The following RHBDL2 variants were observed in gnomAD, a reference collection of about 807,000 sequenced individuals.
RHBDL2 encodes rhomboid-related protein 2.
Under a neutral mutation model 31.7 loss-of-function variants are expected in RHBDL2, and 26 were observed. The observed-to-expected ratio is 0.82, with a 90% CI of 0.60 to 1.14. The LOEUF is 1.14. Ranked by LOEUF, RHBDL2 falls within the 50% of genes most tolerant of loss-of-function variation. The pLI, the probability that RHBDL2 is intolerant of heterozygous loss-of-function variation, is 0.00. For synonymous variants in RHBDL2, 123 were observed against 127.2 expected, an observed-to-expected ratio of 0.97 and a Z score of 0.22; for missense variants, 336 against 364.4, an observed-to-expected ratio of 0.92 and a Z score of 0.63.
chr1:38,903,321 G>C (rs757443450), intron 4 of RHBDL2, among the ~76,000 whole-genome samples: 1 of 151,286 alleles, frequency 6.6e-6, no homozygotes, highest in Non-Finnish European at 1.5e-5. Flanking sequence ...TGTATTTTTA[G>C]TAGAGACGGG....
rs113007332 is a variant in RHBDL2 at position 38,901,054 on chromosome 1, G to GATAA, written c.509-4989_509-4986dup. ...CAGAGCAAGACTCCATCTCTAAATA[G>GATAA]ATAAATAAATAAATAAATAAATAAA... On this transcript the variant is annotated intron_variant, in intron 4 of 7. Transcript: ENST00000372990. Among the ~76,000 whole-genome samples the GATAA allele has an allele frequency of 2.2e-3, 334 of 148,894 alleles. 1 individual carries two copies. The highest frequency in any genetic ancestry group is 5.9e-3 in the East Asian group (30 of 5,058).
chr1:38,902,465 G>C (rs1369595425), intron 4 of RHBDL2, among the ~76,000 whole-genome samples: 3 of 148,414 alleles, frequency 2.0e-5, no homozygotes, highest in Non-Finnish European at 4.4e-5. Context: ...TGTCACCCAG[G>C]CTGGAGTACA....
At chr1:38,920,758 C>G (rs139731027) in intron 1 of RHBDL2, among the ~76,000 whole-genome samples, 2 of 150,842 alleles carry the variant, frequency 1.3e-5, no homozygotes, top group African/African-American at 4.9e-5. Flanking sequence ...AGGTGCCCAC[C>G]ACCACACCTG....
chr1:38,890,428 T>G (rs1642840068), intron 6 of RHBDL2, among the ~76,000 whole-genome samples: 1 of 152,242 alleles, frequency 6.6e-6, no homozygotes, highest in African/African-American at 2.4e-5. Flanking sequence ...ACAGTTACTT[T>G]GGCTTAGTCT....
rs1048262719 is a variant in RHBDL2 at position 38,929,587 on chromosome 1, C to G, written c.-125-10250G>C. On this transcript the variant is annotated intron_variant, in intron 1 of 7. Transcript: ENST00000372990. ...CACCCATTCATTGGTACCAGGCAGG[C>G]CCCTGCCGGGGCTGAGACCCGCCTT... The G allele has an allele frequency of 2.3e-6, 3 of 1,282,788 alleles. No individual in the cohort carries two copies. The African/African-American group carries it at 4.6e-5, about 20-fold the overall frequency. The allele number at this position is 1,282,788 out of a possible 1,614,324, so 79.5% of individuals were successfully genotyped here.
intron 1 of RHBDL2, chr1:38,929,656 G>A (rs1001126990): frequency 8.9e-7 from 1 of 1,128,414 alleles, no homozygotes; most frequent in Non-Finnish European, 1.1e-6. Flanking sequence ...GGGCTGTGCT[G>A]GGTGTAGCCA....
chr1:38,889,254 C>T (rs991494473), intron 6 of RHBDL2, among the ~76,000 whole-genome samples: 1 of 151,988 alleles, frequency 6.6e-6, no homozygotes, highest in Non-Finnish European at 1.5e-5. Flanking sequence ...CCACTATGCC[C>T]GGTTAATTTT....
chr1:38,912,883 CAT>C (rs141150431), intron 3 of RHBDL2, among the ~76,000 whole-genome samples: 1,649 of 106,472 alleles, frequency 0.015, 77 homozygotes, highest in African/African-American at 0.064. Context: ...TACCATATAC[CAT>C]ATATATATAT....
intron 4 of RHBDL2, among the ~76,000 whole-genome samples, chr1:38,907,631 C>T (rs909638882): frequency 2.6e-5 from 4 of 152,026 alleles, no homozygotes; most frequent in African/African-American, 9.7e-5. Flanking sequence ...ATTTTAGGAG[C>T]CCAAGGCCGG....
intron 3 of RHBDL2, among the ~76,000 whole-genome samples, chr1:38,912,963 C>CGTGT (rs146456884): frequency 0.18 from 20,416 of 111,960 alleles, 2,850 homozygotes; most frequent in Non-Finnish European, 0.23. Flanking sequence ...TACATATACA[C>CGTGT]GTGTGTGTGT....
intron 3 of RHBDL2, among the ~76,000 whole-genome samples, chr1:38,914,719 G>T (rs1245209339): frequency 6.6e-6 from 1 of 151,688 alleles, no homozygotes; most frequent in Non-Finnish European, 1.5e-5. Context: ...ATATTGGGCA[G>T]TTATAATGCA....
intron 6 of RHBDL2, among the ~76,000 whole-genome samples, chr1:38,890,791 C>G (rs1297953597): frequency 1.3e-5 from 2 of 151,858 alleles, no homozygotes; most frequent in African/African-American, 4.8e-5. Flanking sequence ...CCTTGACCTC[C>G]CAGGCTCAAG....
At chr1:38,924,542 C>A (rs372253997) in intron 1 of RHBDL2, among the ~76,000 whole-genome samples, 1 of 151,628 alleles carries the variant, frequency 6.6e-6, no homozygotes, top group Non-Finnish European at 1.5e-5. Context: ...TGCAGTGAGC[C>A]GAGATTGCGC....
intron 1 of RHBDL2, among the ~76,000 whole-genome samples, chr1:38,924,303 G>T (rs1477882478): frequency 6.6e-6 from 1 of 152,046 alleles, no homozygotes; most frequent in African/African-American, 2.4e-5. Flanking sequence ...ACTCTTAAAA[G>T]GAAACACAGG....
chr1:38,900,908 C>T (rs991005086), intron 4 of RHBDL2, among the ~76,000 whole-genome samples: 15 of 151,408 alleles, frequency 9.9e-5, no homozygotes, highest in Non-Finnish European at 4.4e-5. Context: ...ATTAACCAGG[C>T]GTGGTGGCAC....
At chr1:38,898,153 A>T (rs1463902548) in intron 4 of RHBDL2, among the ~76,000 whole-genome samples, 1 of 151,946 alleles carries the variant, frequency 6.6e-6, no homozygotes, top group Non-Finnish European at 1.5e-5. Context: ...AAAAAAATAA[A>T]ATTAGCTGGC....
intron 4 of RHBDL2, among the ~76,000 whole-genome samples, chr1:38,897,433 A>T (rs1642933183): frequency 6.6e-6 from 1 of 152,116 alleles, no homozygotes; most frequent in Non-Finnish European, 1.5e-5. Flanking sequence ...TTGGCCAGAC[A>T]CTGTGGTTCA....
At chr1:38,905,214 T>C (rs961885913) in intron 4 of RHBDL2, among the ~76,000 whole-genome samples, 3 of 146,994 alleles carry the variant, frequency 2.0e-5, no homozygotes, top group Non-Finnish European at 3.0e-5. Flanking sequence ...ATTACAAGCA[T>C]GAGCCACCAT....
chr1:38,890,079 C>T (rs1298863340), intron 6 of RHBDL2, among the ~76,000 whole-genome samples: 2 of 151,544 alleles, frequency 1.3e-5, no homozygotes, highest in African/African-American at 4.9e-5. Flanking sequence ...ACTCTGTCGC[C>T]TAGGCTGGAG....
Sources: gnomAD v4.1 joint callset for allele counts (sites outside exome capture counted in the v4.1 genomes callset) on GRCh38, gnomAD v4.1.1 for gene constraint, MANE v1.5 for transcripts, NCBI Gene and HGNC (gene_info 2026-07-23, HGNC 2026-07-21) for gene names.